SLC10A7: variants seen among roughly 807,000 people sequenced by gnomAD.
The protein encoded by SLC10A7 is sodium/bile acid cotransporter 7.
Under a neutral mutation model 43.2 loss-of-function variants are expected in SLC10A7, and 29 were observed. The ratio of observed to expected loss-of-function variants is 0.67; its 90% confidence interval spans 0.50 to 0.92. The LOEUF is 0.92. Ranked by LOEUF, SLC10A7 falls within the 40% of genes least tolerant of loss-of-function variation. SLC10A7 has a pLI of 0.00. For missense variants in SLC10A7, 295 were observed against 403.2 expected, an observed-to-expected ratio of 0.73 and a Z score of 2.30; for synonymous variants, 152 against 144.8, an observed-to-expected ratio of 1.05 and a Z score of -0.35.
rs1738618815 is a variant in SLC10A7, at chr4:146,521,288, C to G, written c.100+330G>C. Among the ~76,000 whole-genome samples the G allele has an allele frequency of 3.9e-5, 6 of 152,036 alleles. No individual in the cohort carries two copies. In the South Asian group the frequency reaches 1.2e-3, roughly 32 times the overall value. On this transcript the variant is annotated intron_variant, in intron 1 of 11. Coordinates refer to ENST00000335472, the MANE Select transcript of SLC10A7 (RefSeq NM_001029998.6). ...TCCACTCCAAGATAGATACGGAACT[C>G]TTAGCAACCTAGATTCCCTTGGGAT...
At chr4:146,416,999 G>T (rs1267493144) in intron 5 of SLC10A7, among the ~76,000 whole-genome samples, 1 of 151,980 alleles carries the variant, frequency 6.6e-6, no homozygotes, top group Non-Finnish European at 1.5e-5. Context: ...AACCCCTCTA[G>T]TTTTATCCCT....
intron 10 of SLC10A7, among the ~76,000 whole-genome samples, chr4:146,280,625 G>C (rs1729490077): frequency 6.6e-6 from 1 of 152,186 alleles, no homozygotes; most frequent in African/African-American, 2.4e-5. Flanking sequence ...AGAGATGTCA[G>C]GTCACCAGTA....
chr4:146,519,886 C>A (rs1168054279), intron 1 of SLC10A7, among the ~76,000 whole-genome samples: 2 of 152,108 alleles, frequency 1.3e-5, no homozygotes, highest in Non-Finnish European at 2.9e-5. Flanking sequence ...AATGAATTAT[C>A]CTACATTAAA....
chr4:146,277,367 T>C (rs915871820), intron 10 of SLC10A7, among the ~76,000 whole-genome samples: 4 of 152,188 alleles, frequency 2.6e-5, no homozygotes, highest in African/African-American at 7.2e-5. Flanking sequence ...GATTTTCAGA[T>C]ACCATATTCT....
At chr4:146,290,455 C>T (rs564733469) in intron 9 of SLC10A7, among the ~76,000 whole-genome samples, 1 of 151,176 alleles carries the variant, frequency 6.6e-6, no homozygotes, top group East Asian at 2.0e-4. Flanking sequence ...TAGTAGATGA[C>T]TATGGCAGGG....
intron 4 of SLC10A7, among the ~76,000 whole-genome samples, chr4:146,444,602 C>A (rs74496125): frequency 6.6e-6 from 1 of 152,096 alleles, no homozygotes; most frequent in East Asian, 1.9e-4. Context: ...TTAACCCAAA[C>A]GCAAGAAATA....
At position 146,405,208 on chromosome 4, in the gene SLC10A7, T is replaced by C. The variant is rs78044761; in HGVS notation, c.435+37575A>G. On this transcript the variant is annotated intron_variant, in intron 5 of 11. Transcript: ENST00000335472. ...AAAGTTTCCAGAATGCCCCTTCAAC[T>C]TTCTATTTTCCAGATCTACCATCTT... is the stretch of plus-strand genomic sequence containing the variant. 3.7e-3 allele frequency among the ~76,000 whole-genome samples: 564 copies of C among 152,306 alleles called. 3 individuals are homozygous for C. Among genetic ancestry groups the C allele is most frequent in the African/African-American group, 0.013 (535 of 41,566 alleles).
chr4:146,309,148 T>C (rs1379091107), intron 6 of SLC10A7, among the ~76,000 whole-genome samples: 1 of 152,128 alleles, frequency 6.6e-6, no homozygotes, highest in Non-Finnish European at 1.5e-5. Context: ...AGTTCAAACA[T>C]TACTTCTTCA....
chr4:146,312,962 C>A (rs1288965592), intron 6 of SLC10A7, among the ~76,000 whole-genome samples: 1 of 152,114 alleles, frequency 6.6e-6, no homozygotes, highest in East Asian at 1.9e-4. Flanking sequence ...TACTCAGAGG[C>A]CTCTAGGACC....
chr4:146,519,031 T>C lies in SLC10A7; in HGVS notation c.101-1911A>G, dbSNP rs146627030. Among the ~76,000 whole-genome samples, 803 of 134,304 alleles carry C rather than the reference T, an allele frequency of 6.0e-3. 2 individuals are homozygous for C. The highest frequency in any genetic ancestry group is 9.1e-3 in the Non-Finnish European group (585 of 64,006). The allele number at this position is 134,304 out of a possible 152,430, so 88.1% of individuals were successfully genotyped here. ...AGCCTGAAACCCTCCACTTGTTCGA[T>C]ATATGGACAGAAGACCAAGCTCAGG... On this transcript the variant is annotated intron_variant, in intron 1 of 11. Transcript: ENST00000335472.
Position 146,512,058 on chromosome 4 carries a change from CT to C in SLC10A7, c.184-2010del, listed in dbSNP as rs143530891. Among the ~76,000 whole-genome samples, 989 of 145,344 alleles carry C rather than the reference CT, an allele frequency of 6.8e-3. 9 individuals are homozygous for C. Among genetic ancestry groups the C allele is most frequent in the African/African-American group, 0.024 (945 of 39,190 alleles). ...GTGCGATCTCGGCTCACTGCAACCA[CT>C]GCCTCCTGAGTTCAAGCGATTCTCC... On this transcript the variant is annotated intron_variant, in intron 2 of 11. Coordinates refer to ENST00000335472, the MANE Select transcript of SLC10A7 (RefSeq NM_001029998.6).
intron 6 of SLC10A7, among the ~76,000 whole-genome samples, chr4:146,325,037 G>T (rs538427466): frequency 6.6e-6 from 1 of 152,134 alleles, no homozygotes; most frequent in Non-Finnish European, 1.5e-5. Flanking sequence ...AAGAAATGAA[G>T]TCCCTCATTC....
chr4:146,387,370 T>C (rs1041803074), intron 5 of SLC10A7, among the ~76,000 whole-genome samples: 12 of 152,158 alleles, frequency 7.9e-5, no homozygotes, highest in African/African-American at 2.9e-4. Flanking sequence ...ACAAAAACCA[T>C]ATGATCATCT....
intron 5 of SLC10A7, among the ~76,000 whole-genome samples, chr4:146,405,419 G>C (rs1418011084): frequency 6.6e-6 from 1 of 152,158 alleles, no homozygotes; most frequent in Non-Finnish European, 1.5e-5. Context: ...CAGATTTTGA[G>C]ATGCTGCCAT....
chr4:146,413,068 C>A (rs1230481201), intron 5 of SLC10A7, among the ~76,000 whole-genome samples: 1 of 151,912 alleles, frequency 6.6e-6, no homozygotes, highest in Non-Finnish European at 1.5e-5. Flanking sequence ...TTCTCTATTC[C>A]TTTAAAAACT....
intron 5 of SLC10A7, chr4:146,442,534 T>A: frequency 1.5e-6 from 2 of 1,325,154 alleles, no homozygotes; most frequent in Non-Finnish European, 1.9e-6. Flanking sequence ...AGACACATAG[T>A]GTTTTAATTG....
At chr4:146,312,115 T>C (rs1427292715) in intron 6 of SLC10A7, among the ~76,000 whole-genome samples, 2 of 152,158 alleles carry the variant, frequency 1.3e-5, no homozygotes, top group Admixed American at 6.6e-5. Context: ...GTGTGGAAAG[T>C]ATATGTTTAG....
chr4:146,519,066 CATATATATATATATATATATATATATAT>C (rs869090267), intron 1 of SLC10A7, among the ~76,000 whole-genome samples: 13 of 5,982 alleles, frequency 2.2e-3, no homozygotes, highest in Non-Finnish European at 2.6e-3. Flanking sequence ...GAAAAATCAC[CATATATATATATATATATATATATATAT>C]ATATATATAT....
intron 10 of SLC10A7, among the ~76,000 whole-genome samples, chr4:146,277,050 A>G (rs1729254750): frequency 6.6e-6 from 1 of 152,192 alleles, no homozygotes; most frequent in Admixed American, 6.5e-5. Flanking sequence ...GCAAGCTATA[A>G]AGCAATCTTT....
Sources: gnomAD v4.1 joint callset for allele counts (sites outside exome capture counted in the v4.1 genomes callset) on GRCh38, gnomAD v4.1.1 for gene constraint, MANE v1.5 for transcripts, NCBI Gene and HGNC (gene_info 2026-07-23, HGNC 2026-07-21) for gene names.